KIF15: variants seen among roughly 807,000 people sequenced by gnomAD.
The protein encoded by KIF15 is kinesin-like protein KIF15.
Under a neutral mutation model 190.6 loss-of-function variants are expected in KIF15, and 140 were observed. That is an observed-to-expected ratio of 0.73 (90% CI 0.64 to 0.84). KIF15 has a LOEUF of 0.84. Among genes scored for constraint, KIF15 ranks in the 40% least tolerant of loss-of-function variants. The pLI is 0.00. For synonymous variants in KIF15, 528 were observed against 551.3 expected (o/e 0.96, Z 0.59); for missense variants, 1,372 against 1,584.4 (o/e 0.87, Z 2.28).
intron 1 of KIF15, among the ~76,000 whole-genome samples, chr3:44,769,445 A>G (rs1575572889): frequency 4.6e-5 from 7 of 152,244 alleles, no homozygotes; most frequent in Admixed American, 6.5e-5. Context: ...GCCACCCATG[A>G]ATGTCAAAGC....
rs1285761015 is a variant in KIF15 at position 44,853,156 on chromosome 3, GA to G, written c.*423del. The G allele has an allele frequency of 2.0e-5, 3 of 153,198 alleles. No homozygotes were observed. Among genetic ancestry groups the G allele is most frequent in the African/African-American group, 7.2e-5 (3 of 41,492 alleles). 9.5% of individuals were successfully genotyped at this position (153,198 alleles called of 1,614,324 possible). A position where few individuals can be genotyped will look rare whatever the true frequency, so the allele number is the denominator to read the frequency against. On this transcript the variant is annotated 3_prime_UTR_variant, in exon 35 of 35. Transcript: ENST00000326047. Reference sequence around the variant, plus strand: ...ATGACTGACTTAGTAGCAGGTACAAGAAGCAAACTTGTTAATATAGATTATT... The same window carrying G: ...ATGACTGACTTAGTAGCAGGTACAAGAGCAAACTTGTTAATATAGATTATT...
At position 44,769,905 on chromosome 3, in the gene KIF15, C is replaced by G. The variant is rs189190973; in HGVS notation, c.20-4490C>G. ...GCATGGAGCTTGGCTTTGGTTAGCT[C>G]CCTTGGTCTTACTTTCCCAAAAAGG... On this transcript the variant is annotated intron_variant, in intron 1 of 34. Transcript: ENST00000326047. Among the ~76,000 whole-genome samples, 272 of 152,200 alleles carry G rather than the reference C, an allele frequency of 1.8e-3. 2 individuals carry two copies. The highest frequency in any genetic ancestry group is 6.4e-3 in the African/African-American group (266 of 41,560).
intron 20 of KIF15, among the ~76,000 whole-genome samples, chr3:44,819,817 A>G (rs141657813): frequency 0.019 from 2,829 of 152,240 alleles, 74 homozygotes; most frequent in African/African-American, 0.063. Context: ...CTTCTGTCTC[A>G]TTCATCTGTC....
At position 44,785,930 on chromosome 3, in the gene KIF15, C is replaced by T. The variant is rs147030201; in HGVS notation, c.460-465C>T. ...TCTAAAATATAATGATGTGTTAAAACTAGTTATCAGCTGAGCACGGTGGCT... is the reference window on the plus strand; with the variant it reads ...TCTAAAATATAATGATGTGTTAAAATTAGTTATCAGCTGAGCACGGTGGCT... On this transcript the variant is annotated intron_variant, in intron 6 of 34. Transcript: ENST00000326047. Among the ~76,000 whole-genome samples the T allele has an allele frequency of 5.6e-3, 858 of 152,258 alleles. 5 individuals are homozygous for T. Among genetic ancestry groups the T allele is most frequent in the Middle Eastern group, 0.024 (7 of 294 alleles).
At chr3:44,863,878 A>T (rs1254847821) in intron 6 of KIF15, 2 of 341,064 alleles carry the variant, frequency 5.9e-6, no homozygotes, top group Admixed American at 8.0e-5. Context: ...AGCACTGGTC[A>T]TTGTGGGACC....
chr3:44,775,459 ACT>A (rs1705834069), intron 3 of KIF15, 22 bp downstream of exon 3: 1 of 1,479,960 alleles, frequency 6.8e-7, no homozygotes, highest in South Asian at 1.2e-5. Context: ...TAGAAACTTA[ACT>A]TTTTTTTTTT....
chr3:44,823,828 G>A (rs1697496073), intron 20 of KIF15, among the ~76,000 whole-genome samples: 1 of 152,208 alleles, frequency 6.6e-6, no homozygotes, highest in Admixed American at 6.5e-5. Context: ...CTAGGTGCGG[G>A]ATATAATCTT....
At chr3:44,826,999 C>A in intron 22 of KIF15, 1 of 456,346 alleles carries the variant, frequency 2.2e-6, no homozygotes, top group Non-Finnish European at 4.4e-6. Flanking sequence ...CTTCTAGGCC[C>A]TGGTATACAG....
chr3:44,797,292 G>T (rs895289162), intron 8 of KIF15, among the ~76,000 whole-genome samples: 1 of 152,184 alleles, frequency 6.6e-6, no homozygotes, highest in African/African-American at 2.4e-5. Context: ...GCCTCCCAAA[G>T]TGCTGGGATG....
At chr3:44,784,211 G>A (rs1706295357) in intron 5 of KIF15, among the ~76,000 whole-genome samples, 1 of 151,904 alleles carries the variant, frequency 6.6e-6, no homozygotes, top group African/African-American at 2.4e-5. Context: ...TCACTCTGTC[G>A]CCCAGGCTGG....
intron 6 of KIF15, chr3:44,861,793 G>A (rs1467425594): frequency 2.6e-5 from 28 of 1,076,756 alleles, no homozygotes; most frequent in Non-Finnish European, 3.5e-5. Flanking sequence ...CGAGGCGCCG[G>A]AGAGCGATTC....
At chr3:44,797,139 C>T (rs542547527) in intron 8 of KIF15, among the ~76,000 whole-genome samples, 71 of 152,226 alleles carry the variant, frequency 4.7e-4, no homozygotes, top group Admixed American at 1.2e-3. Context: ...GTGATCCTCC[C>T]ACCTCAGCCT....
At chr3:44,786,341 A>G in intron 6 of KIF15, 54 bp from the exon 7 acceptor site, 1 of 1,424,960 alleles carries the variant, frequency 7.0e-7, no homozygotes, top group Non-Finnish European at 9.5e-7. Context: ...GCTCATGAAA[A>G]CTAGGTATGA....
chr3:44,768,392 C>T lies in KIF15; in HGVS notation c.20-6003C>T, dbSNP rs186272409. Among the ~76,000 whole-genome samples the T allele has an allele frequency of 7.5e-3, 1,135 of 152,052 alleles. 18 individuals are homozygous for T. Among genetic ancestry groups the T allele is most frequent in the Non-Finnish European group, 7.1e-3 (486 of 68,006 alleles). On this transcript the variant is annotated intron_variant, in intron 1 of 34. Coordinates refer to ENST00000326047, the MANE Select transcript of KIF15 (RefSeq NM_020242.3). ...GGAAAAATCAGGCACGCGGACACATCGAAAGATGAGGAGAGTGGAATTTAT... is the reference window on the plus strand; with the variant it reads ...GGAAAAATCAGGCACGCGGACACATTGAAAGATGAGGAGAGTGGAATTTAT...
Position 44,828,233 on chromosome 3 carries a change from T to G in KIF15, c.2876T>G (p.Leu959Arg), listed in dbSNP as rs777442523. 1 of 1,613,494 alleles carries G rather than the reference T, an allele frequency of 6.2e-7. No individual in the cohort carries two copies. Among genetic ancestry groups the G allele is most frequent in the East Asian group, 2.2e-5 (1 of 44,844 alleles). The change falls in exon 24 of 35, where the codon CTA becomes CGA. Residue 959 changes from leucine to arginine, a missense_variant. By Grantham distance (102) the Leu-to-Arg change is moderately radical. Transcript: ENST00000326047. ...CEQQMAKVQK[L>R]EESLLATEKV... is the part of the protein sequence containing the mutation. ...CCATAGATGGCAAAAGTACAGAAAC[T>G]AGAAGAGAGCTTGCTTGCTACTGAA...
At chr3:44,856,396 C>T (rs565664127), downstream of KIF15, among the ~76,000 whole-genome samples, 84 of 152,112 alleles carry the variant, frequency 5.5e-4, no homozygotes, top group African/African-American at 1.6e-3. Context: ...CAGATTTCCA[C>T]GATGGAAAGG....
intron 18 of KIF15, among the ~76,000 whole-genome samples, chr3:44,812,718 C>T (rs1395762429): frequency 5.3e-5 from 8 of 152,180 alleles, no homozygotes; most frequent in Non-Finnish European, 1.0e-4. Context: ...GGCACAGTGG[C>T]TAACACCTGT....
chr3:44,800,551 T>G (rs1001778669), intron 11 of KIF15, 114 bp downstream of exon 11: 1 of 1,043,192 alleles, frequency 9.6e-7, no homozygotes, highest in East Asian at 2.5e-5. Context: ...TGCAGGTATC[T>G]CTTTCTGCTT....
intron 2 of KIF15, among the ~76,000 whole-genome samples, 200 bp downstream of exon 2, chr3:44,774,637 T>C (rs1705790134): frequency 6.6e-6 from 1 of 152,176 alleles, no homozygotes; most frequent in Admixed American, 6.5e-5. Flanking sequence ...ATAATTCTCC[T>C]TGGGAATGAC....
Sources: allele counts gnomAD v4.1 joint callset (sites outside exome capture counted in the v4.1 genomes callset), GRCh38; gene constraint gnomAD v4.1.1; transcripts MANE v1.5; gene names NCBI Gene and HGNC (gene_info 2026-07-23, HGNC 2026-07-21).